The following XKR6 variants were observed in gnomAD, a reference collection of about 807,000 sequenced individuals.
XKR6 encodes the protein XK-related protein 6.
A neutral mutation model predicts 56.7 loss-of-function variants in XKR6; 22 were observed. The ratio of observed to expected loss-of-function variants is 0.39; its 90% CI spans 0.28 to 0.55. The LOEUF (loss-of-function observed/expected upper bound fraction) is 0.55. Ranked by LOEUF, XKR6 falls within the 20% of genes least tolerant of loss-of-function variation. The pLI is 0.66. For synonymous variants in XKR6, 524 were observed against 387.8 expected (o/e 1.35, Z -4.13); for missense variants, 852 against 889.0 (o/e 0.96, Z 0.53).
intron 1 of XKR6, among the ~76,000 whole-genome samples, chr8:11,186,435 G>A (rs1402524932): frequency 6.6e-6 from 1 of 152,146 alleles, no homozygotes; most frequent in Non-Finnish European, 1.5e-5. Flanking sequence ...AGGCTGCAGT[G>A]GCACAATCAC....
At chr8:11,038,275 CT>C (rs1799196667) in intron 1 of XKR6, among the ~76,000 whole-genome samples, 1 of 152,092 alleles carries the variant, frequency 6.6e-6, no homozygotes, top group African/African-American at 2.4e-5. Context: ...AGTGTCTCTG[CT>C]TTTTAAATGT....
chr8:11,068,330 G>A (rs905307823), intron 1 of XKR6, among the ~76,000 whole-genome samples: 1 of 152,158 alleles, frequency 6.6e-6, no homozygotes, highest in Non-Finnish European at 1.5e-5. Flanking sequence ...GGGATACGGT[G>A]GGTGGGGGGC....
intron 1 of XKR6, among the ~76,000 whole-genome samples, chr8:10,997,313 C>G (rs1798136472): frequency 6.6e-6 from 1 of 152,214 alleles, no homozygotes; most frequent in Non-Finnish European, 1.5e-5. Context: ...CTTTAATCCT[C>G]AGAACAACCT....
At chr8:11,079,156 C>T (rs1300553508) in intron 1 of XKR6, among the ~76,000 whole-genome samples, 1 of 152,198 alleles carries the variant, frequency 6.6e-6, no homozygotes, top group African/African-American at 2.4e-5. Flanking sequence ...TCCTTCTTCC[C>T]ATGAAAAAGT....
intron 1 of XKR6, among the ~76,000 whole-genome samples, chr8:11,016,009 CAGCAGACCCCCG>C: frequency 6.6e-6 from 1 of 150,396 alleles, no homozygotes; most frequent in South Asian, 2.1e-4. Flanking sequence ...TCGGTTTGGT[CAGCAGACCCCCG>C]GTAACGCCCC....
At chr8:11,148,525 G>C (rs953825349) in intron 1 of XKR6, among the ~76,000 whole-genome samples, 1 of 152,218 alleles carries the variant, frequency 6.6e-6, no homozygotes, top group African/African-American at 2.4e-5. Context: ...GGCTGTGCTA[G>C]CAAACAAACA....
At chr8:10,926,181 G>A (rs11776368) in intron 1 of XKR6, among the ~76,000 whole-genome samples, 46,699 of 152,056 alleles carry the variant, frequency 0.31, 7,880 homozygotes, top group African/African-American at 0.41. Flanking sequence ...CACACTCAGG[G>A]CTGCCGGATG....
intron 1 of XKR6, among the ~76,000 whole-genome samples, chr8:11,011,050 G>A (rs1041658867): frequency 3.3e-5 from 5 of 152,198 alleles, no homozygotes; most frequent in Non-Finnish European, 7.3e-5. Flanking sequence ...TATTATCCCT[G>A]TTTAACAGAT....
At chr8:11,176,248 C>A (rs578225799) in intron 1 of XKR6, among the ~76,000 whole-genome samples, 25 of 152,250 alleles carry the variant, frequency 1.6e-4, no homozygotes, top group African/African-American at 6.0e-4. Context: ...TGCATAAATC[C>A]TTTGTTTTGA....
intron 1 of XKR6, among the ~76,000 whole-genome samples, chr8:11,098,107 C>T (rs2129175034): frequency 6.6e-6 from 1 of 152,222 alleles, no homozygotes; most frequent in Non-Finnish European, 1.5e-5. Context: ...AGACCAGCAG[C>T]ACTGGCTTCG....
At chr8:10,963,612 G>A (rs562861921) in intron 1 of XKR6, among the ~76,000 whole-genome samples, 223 of 152,004 alleles carry the variant, frequency 1.5e-3, no homozygotes, top group Admixed American at 2.8e-3. Context: ...TATGGTCATG[G>A]AGCACTGCAT....
chr8:11,138,551 T>G (rs1454988949), intron 1 of XKR6: 2 of 152,238 alleles, frequency 1.3e-5, no homozygotes, highest in Non-Finnish European at 2.9e-5. Context: ...CCTACTAAAA[T>G]AATTAAGTGG....
intron 1 of XKR6, among the ~76,000 whole-genome samples, chr8:11,083,791 C>T (rs953984651): frequency 1.3e-5 from 2 of 152,078 alleles, no homozygotes; most frequent in Non-Finnish European, 2.9e-5. Flanking sequence ...ACCACCATAT[C>T]AGGAAGTGAT....
chr8:11,094,088 T>C (rs1798181031), intron 1 of XKR6, among the ~76,000 whole-genome samples: 2 of 151,092 alleles, frequency 1.3e-5, no homozygotes, highest in South Asian at 4.2e-4. Flanking sequence ...CCGGCCTTTT[T>C]TTTTTTTTGA....
chr8:11,157,162 T>A (rs1000554675), intron 1 of XKR6, among the ~76,000 whole-genome samples: 2 of 152,080 alleles, frequency 1.3e-5, no homozygotes, highest in African/African-American at 2.4e-5. Flanking sequence ...GCCTCCAAAC[T>A]GTCAGGGTGA....
intron 1 of XKR6, among the ~76,000 whole-genome samples, chr8:11,176,723 G>A (rs971333819): frequency 6.6e-6 from 1 of 151,938 alleles, no homozygotes; most frequent in African/African-American, 2.4e-5. Context: ...CAGCAGTTAG[G>A]GCATCTCCCT....
intron 1 of XKR6, among the ~76,000 whole-genome samples, chr8:10,970,327 C>T (rs755064436): frequency 3.3e-5 from 5 of 152,232 alleles, no homozygotes; most frequent in Admixed American, 6.5e-5. Context: ...GCATCATCAC[C>T]TGTCCAATGA....
chr8:10,931,797 T>C (rs1049179452), intron 1 of XKR6, among the ~76,000 whole-genome samples: 2 of 151,058 alleles, frequency 1.3e-5, no homozygotes, highest in African/African-American at 4.9e-5. Flanking sequence ...AGACAAAGAG[T>C]TCTTAAATGA....
At chr8:11,017,212 C>A (rs894801873) in intron 1 of XKR6, among the ~76,000 whole-genome samples, 14 of 152,160 alleles carry the variant, frequency 9.2e-5, no homozygotes, top group African/African-American at 3.4e-4. Flanking sequence ...AGATAGGCCA[C>A]AGATAGGTAG....
Sources: allele counts gnomAD v4.1 joint callset (sites outside exome capture counted in the v4.1 genomes callset), GRCh38; gene constraint gnomAD v4.1.1; transcripts MANE v1.5; gene names NCBI Gene and HGNC (gene_info 2026-07-23, HGNC 2026-07-21).